The following AFF3 variants were observed in gnomAD, a reference collection of about 807,000 sequenced individuals.
The protein encoded by AFF3 is AF4/FMR2 family member 3.
A neutral mutation model predicts 129.7 loss-of-function variants in AFF3; 32 were observed. The observed-to-expected ratio is 0.25, with a 90% CI of 0.19 to 0.33. AFF3 has a LOEUF of 0.33. Ranked by LOEUF, AFF3 falls within the 10% of genes least tolerant of loss-of-function variation. The probability of loss-of-function intolerance (pLI) is 1.00; values close to 1 mark genes in which losing one functional copy is unlikely to be tolerated. For missense variants in AFF3, 1,373 were observed against 1,592.0 expected, an observed-to-expected ratio of 0.86 and a Z score of 2.34; for synonymous variants, 644 against 635.4, an observed-to-expected ratio of 1.01 and a Z score of -0.20.
chr2:100,142,205 C>T lies in AFF3; in HGVS notation c.-228+279G>A, dbSNP rs555895903. 3.3e-3 allele frequency among the ~76,000 whole-genome samples: 498 copies of T among 149,562 alleles called. 6 individuals carry two copies. Among genetic ancestry groups the T allele is most frequent in the African/African-American group, 0.012 (475 of 40,744 alleles). On this transcript the variant is annotated intron_variant, in intron 1 of 24. Coordinates refer to ENST00000672756, the MANE Select transcript of AFF3 (RefSeq NM_001386135.1). ...AGGTTATGTCTTCTTTATGTGCACC[C>T]TCTACCACACACACACACACACATG...
intron 7 of AFF3, among the ~76,000 whole-genome samples, chr2:99,879,191 T>C (rs1692514238): frequency 1.3e-5 from 2 of 152,252 alleles, no homozygotes; most frequent in South Asian, 4.1e-4. Context: ...TTATTTATGC[T>C]TTTGAAAAAA....
At chr2:100,107,660 G>C (rs1042703422) in intron 2 of AFF3, among the ~76,000 whole-genome samples, 4 of 152,140 alleles carry the variant, frequency 2.6e-5, no homozygotes, top group African/African-American at 9.7e-5. Flanking sequence ...TAAATGAGAG[G>C]AGCTGCTTGG....
intron 7 of AFF3, among the ~76,000 whole-genome samples, chr2:99,949,986 C>T (rs1675989931): frequency 6.6e-6 from 1 of 152,178 alleles, no homozygotes; most frequent in African/African-American, 2.4e-5. Context: ...CACATCATCA[C>T]ACAATAACCA....
At chr2:99,711,718 C>T (rs576498703) in intron 11 of AFF3, among the ~76,000 whole-genome samples, 176 of 152,322 alleles carry the variant, frequency 1.2e-3, no homozygotes, top group Non-Finnish European at 2.0e-3. Flanking sequence ...TTCATTTATT[C>T]ATACTGTACT....
At chr2:100,079,113 A>AT (rs1325381483) in intron 4 of AFF3, among the ~76,000 whole-genome samples, 1 of 151,560 alleles carries the variant, frequency 6.6e-6, no homozygotes, top group East Asian at 1.9e-4. Flanking sequence ...CGCCCGGCTA[A>AT]TTTTTTGTAT....
At chr2:99,731,937 A>G (rs1180587826) in intron 10 of AFF3, among the ~76,000 whole-genome samples, 2 of 152,248 alleles carry the variant, frequency 1.3e-5, no homozygotes, top group Non-Finnish European at 2.9e-5. Context: ...TGAAATGTAT[A>G]TAGACACTTT....
At chr2:99,893,745 T>C (rs915593547) in intron 7 of AFF3, among the ~76,000 whole-genome samples, 2 of 152,180 alleles carry the variant, frequency 1.3e-5, no homozygotes, top group Non-Finnish European at 2.9e-5. Context: ...CTAACACTAT[T>C]TGATTTTCAT....
At chr2:99,638,861 G>A (rs748757439) in intron 13 of AFF3, among the ~76,000 whole-genome samples, 1 of 152,188 alleles carries the variant, frequency 6.6e-6, no homozygotes, top group Non-Finnish European at 1.5e-5. Context: ...GTATGTTGTT[G>A]TGCAGCCTAG....
intron 11 of AFF3, among the ~76,000 whole-genome samples, chr2:99,705,089 A>G (rs1677229733): frequency 6.6e-6 from 1 of 152,212 alleles, no homozygotes; most frequent in South Asian, 2.1e-4. Context: ...GGTTCGAAGA[A>G]GGCCTTGTCA....
chr2:99,613,109 T>C (rs1681089172), intron 13 of AFF3, among the ~76,000 whole-genome samples: 1 of 152,246 alleles, frequency 6.6e-6, no homozygotes. Context: ...ATTCATGTAT[T>C]ACTGAATTTA....
rs1245652249 is a variant in AFF3 at position 99,550,512 on chromosome 2, GC to G, written c.*961del. The G allele has an allele frequency of 4.3e-6, 1 of 231,666 alleles. No individual in the cohort carries two copies. Among genetic ancestry groups the G allele is most frequent in the Non-Finnish European group, 8.5e-6 (1 of 117,118 alleles). 14.4% of individuals were successfully genotyped at this position (231,666 alleles called of 1,614,324 possible). A position where few individuals can be genotyped will look rare whatever the true frequency, so the allele number is the denominator to read the frequency against. On this transcript the variant is annotated 3_prime_UTR_variant, in exon 25 of 25. Coordinates refer to ENST00000672756, the MANE Select transcript of AFF3 (RefSeq NM_001386135.1). ...TTTAGCCAAGAAAATCTGTAAGAAA[GC>G]TATTGGTGGAAAGAAAAGACTTGAA...
At chr2:99,605,667 T>G (rs1680258843) in intron 13 of AFF3, among the ~76,000 whole-genome samples, 1 of 152,180 alleles carries the variant, frequency 6.6e-6, no homozygotes, top group Non-Finnish European at 1.5e-5. Flanking sequence ...AGTGAAAGGA[T>G]GGACTCGGCT....
chr2:99,612,879 G>C (rs1244713237), intron 13 of AFF3, among the ~76,000 whole-genome samples: 2 of 152,104 alleles, frequency 1.3e-5, no homozygotes, highest in Admixed American at 1.3e-4. Context: ...CCAGTGTGTG[G>C]GCTACAAAGC....
intron 11 of AFF3, among the ~76,000 whole-genome samples, chr2:99,698,420 T>C (rs1334229636): frequency 6.6e-6 from 1 of 152,204 alleles, no homozygotes; most frequent in Non-Finnish European, 1.5e-5. Flanking sequence ...TTGCAGGATT[T>C]GGAAATTCCA....
At chr2:99,746,435 G>A (rs1255896984) in intron 9 of AFF3, among the ~76,000 whole-genome samples, 1 of 152,190 alleles carries the variant, frequency 6.6e-6, no homozygotes, top group Non-Finnish European at 1.5e-5. Context: ...GAGCCAGTCG[G>A]TGGGCAGAGG....
intron 8 of AFF3, among the ~76,000 whole-genome samples, chr2:99,821,620 A>G (rs1687690192): frequency 6.6e-6 from 1 of 152,232 alleles, no homozygotes; most frequent in Admixed American, 6.5e-5. Context: ...TATAGTCAAT[A>G]CATAAACCAG....
intron 8 of AFF3, among the ~76,000 whole-genome samples, chr2:99,806,163 A>G (rs1686334182): frequency 6.6e-6 from 1 of 152,204 alleles, no homozygotes; most frequent in African/African-American, 2.4e-5. Context: ...AGATCCGATC[A>G]ACTTGGTTTC....
At chr2:100,008,443 A>G (rs1201115545) in intron 5 of AFF3, among the ~76,000 whole-genome samples, 1 of 152,236 alleles carries the variant, frequency 6.6e-6, no homozygotes, top group Non-Finnish European at 1.5e-5. Flanking sequence ...TACGACAAAT[A>G]TGTAACACAA....
intron 7 of AFF3, among the ~76,000 whole-genome samples, chr2:99,900,146 C>A (rs1694243073): frequency 6.6e-6 from 1 of 152,124 alleles, no homozygotes; most frequent in Non-Finnish European, 1.5e-5. Flanking sequence ...CTGTAACTTA[C>A]CATGAGAAAT....
Sources: gnomAD v4.1 joint callset for allele counts (sites outside exome capture counted in the v4.1 genomes callset) on GRCh38, gnomAD v4.1.1 for gene constraint, MANE v1.5 for transcripts, NCBI Gene and HGNC (gene_info 2026-07-23, HGNC 2026-07-21) for gene names.